Variants in PATJ observed in about 807,000 individuals in gnomAD.
The protein encoded by PATJ is inaD-like protein.
Under a neutral mutation model 224.9 loss-of-function variants are expected in PATJ, and 190 were observed. The ratio of observed to expected loss-of-function variants is 0.84; its 90% CI spans 0.75 to 0.95. The LOEUF is 0.95. Ranked by LOEUF, PATJ falls within the 40% of genes least tolerant of loss-of-function variation. The pLI is 0.00. For synonymous variants in PATJ, 769 were observed against 820.3 expected (o/e 0.94, Z 1.07); for missense variants, 2,121 against 2,270.3 (o/e 0.93, Z 1.34).
chr1:62,084,655 T>G lies in PATJ; in HGVS notation c.4377+7T>G, dbSNP rs1345669174. ...AGGAAAAGACACACCCTTGGTAAGTTTCTAGAAATAAAATGTATCCACTGT... is the reference window on the plus strand; with the variant it reads ...AGGAAAAGACACACCCTTGGTAAGTGTCTAGAAATAAAATGTATCCACTGT... On this transcript the variant is annotated splice_region_variant and intron_variant, in intron 33 of 43. Transcript: ENST00000642238. 6.2e-7 allele frequency: 1 copy of G among 1,611,646 alleles called. No homozygotes were observed. The highest frequency in any genetic ancestry group is 8.5e-7 in the Non-Finnish European group (1 of 1,179,164).
chr1:62,046,322 C>T (rs1340052177), intron 30 of PATJ, among the ~76,000 whole-genome samples: 3 of 152,164 alleles, frequency 2.0e-5, no homozygotes, highest in East Asian at 3.8e-4. Flanking sequence ...TTTAGCTCTA[C>T]TTGTAATGTA....
At chr1:61,968,299 A>G (rs1263591756) in intron 27 of PATJ, among the ~76,000 whole-genome samples, 1 of 152,160 alleles carries the variant, frequency 6.6e-6, no homozygotes, top group Non-Finnish European at 1.5e-5. Flanking sequence ...TAGAATACAC[A>G]TGGGGTCTCC....
At chr1:62,114,499 G>A (rs950970515) in intron 35 of PATJ, 3 of 336,968 alleles carry the variant, frequency 8.9e-6, no homozygotes, top group Admixed American at 5.0e-5. Context: ...AACTAGCAAG[G>A]TTCTTTCACT....
intron 30 of PATJ, chr1:62,039,228 C>T (rs1651009722): frequency 5.2e-6 from 2 of 383,236 alleles, no homozygotes; most frequent in Non-Finnish European, 1.0e-5. Context: ...GTGCAGTGGG[C>T]ACTTTTCTAT....
intron 29 of PATJ, among the ~76,000 whole-genome samples, chr1:62,034,029 C>T (rs1012121452): frequency 6.6e-6 from 1 of 152,094 alleles, no homozygotes; most frequent in Admixed American, 6.6e-5. Flanking sequence ...GGGAAAAGTC[C>T]GTTATCTCTC....
At position 61,869,097 on chromosome 1, in the gene PATJ, ATTT is replaced by A. The variant is rs113334846; in HGVS notation, c.2835+4482_2835+4484del. Among the ~76,000 whole-genome samples, 419 of 125,544 alleles carry A rather than the reference ATTT, an allele frequency of 3.3e-3. 4 individuals carry two copies. Among genetic ancestry groups the A allele is most frequent in the African/African-American group, 0.012 (376 of 31,998 alleles). The allele number at this position is 125,544 out of a possible 152,430, so 82.4% of individuals were successfully genotyped here. On this transcript the variant is annotated intron_variant, in intron 20 of 43. Coordinates refer to ENST00000642238, the MANE Select transcript of PATJ (RefSeq NM_001350145.3). ...TTTTAGGAGAACAAATGGAAATAACATTTTTTTTTTTTTTTTTTTTCTTTTTTG... is the reference window on the plus strand; with the variant it reads ...TTTTAGGAGAACAAATGGAAATAACATTTTTTTTTTTTTTTTTCTTTTTTG...
At chr1:61,783,797 G>T (rs1471551714) in intron 7 of PATJ, among the ~76,000 whole-genome samples, 1 of 147,290 alleles carries the variant, frequency 6.8e-6, no homozygotes, top group Non-Finnish European at 1.5e-5. Context: ...GCTCAGGCTG[G>T]AGTGCAGTGG....
Position 61,921,164 on chromosome 1 carries a change from G to A in PATJ, c.3570+6500G>A, listed in dbSNP as rs569979222. 3.3e-5 allele frequency among the ~76,000 whole-genome samples: 5 copies of A among 152,180 alleles called. No homozygotes were observed. In the South Asian group the frequency reaches 8.3e-4, roughly 25 times the overall value. The stretch of plus-strand genomic sequence containing the variant: ...CAGATTTCACCCCATTAGGAAAAAA[G>A]ACATAACTGAATTGAACCCATGGGA... On this transcript the variant is annotated intron_variant, in intron 26 of 43. Transcript: ENST00000642238.
chr1:62,011,468 C>A (rs1646445645), intron 28 of PATJ, among the ~76,000 whole-genome samples: 1 of 152,128 alleles, frequency 6.6e-6, no homozygotes, highest in South Asian at 2.1e-4. Flanking sequence ...TCAGAACACA[C>A]AATTATGTGT....
intron 34 of PATJ, among the ~76,000 whole-genome samples, chr1:62,110,182 A>T (rs919903175): frequency 1.3e-5 from 2 of 152,318 alleles, no homozygotes; most frequent in Non-Finnish European, 2.9e-5. Context: ...GGTCTAGTTC[A>T]TGAGAGTCTA....
intron 14 of PATJ, among the ~76,000 whole-genome samples, chr1:61,811,559 A>G (rs964164114): frequency 6.6e-6 from 1 of 151,604 alleles, no homozygotes; most frequent in African/African-American, 2.4e-5. Flanking sequence ...TATCATATAA[A>G]TCAGTGTTGC....
intron 32 of PATJ, among the ~76,000 whole-genome samples, chr1:62,082,666 A>G (rs1659430614): frequency 6.6e-6 from 1 of 152,236 alleles, no homozygotes; most frequent in South Asian, 2.1e-4. Flanking sequence ...GTAGTATGCT[A>G]GCAGCCATAG....
At chr1:62,006,100 T>G (rs1041639594) in intron 28 of PATJ, among the ~76,000 whole-genome samples, 1 of 151,866 alleles carries the variant, frequency 6.6e-6, no homozygotes, top group Non-Finnish European at 1.5e-5. Flanking sequence ...TTCTTTTCTT[T>G]TTTTGTTTTG....
At chr1:61,750,671 C>G (rs549071618) in intron 1 of PATJ, among the ~76,000 whole-genome samples, 9 of 151,888 alleles carry the variant, frequency 5.9e-5, no homozygotes, top group Non-Finnish European at 7.4e-5. Context: ...GAACTCCCAA[C>G]CTCAGGTGTT....
rs1669844942 is a variant in PATJ, at chr1:62,161,558, T to G, written c.*504T>G. The G allele has an allele frequency of 6.6e-6, 1 of 152,300 alleles. No homozygotes were observed. The highest frequency in any genetic ancestry group is 1.5e-5 in the Non-Finnish European group (1 of 68,208). 9.4% of individuals were successfully genotyped at this position (152,300 alleles called of 1,614,324 possible). A position where few individuals can be genotyped will look rare whatever the true frequency, so the allele number is the denominator to read the frequency against. ...TTCCCCATGTGGGCCAGGCTGGTCT[T>G]GAACTTCTGACCTCAGGTGATCTGC... On this transcript the variant is annotated 3_prime_UTR_variant, in exon 44 of 44. Coordinates refer to ENST00000642238, the MANE Select transcript of PATJ (RefSeq NM_001350145.3).
chr1:61,864,429 G>C lies in PATJ; in HGVS notation c.2631G>C (p.Glu877Asp). 6.2e-7 allele frequency: 1 copy of C among 1,613,628 alleles called. No individual in the cohort carries two copies. The highest frequency in any genetic ancestry group is 8.5e-7 in the Non-Finnish European group (1 of 1,179,540). ...AAATTCTTGTTGATGAAGAATATGA[G>C]TTATATCAAGATCCCTCACCATCCA... ...EREILVDEEY[E>D]LYQDPSPSME... Residue 877 changes from glutamate to aspartate, a missense_variant, in exon 20 of 44, where the codon GAG (glutamate) becomes GAC (aspartate). Physicochemically the swap from Glu to Asp is conservative, Grantham distance 45 (BLOSUM62 2). Transcript: ENST00000642238.
In PATJ at chr1:61,875,355, G is replaced by C. The variant is rs1366880864; in HGVS notation, c.2948G>C (p.Ser983Thr). ...LENLNSLAKTSLDLGMIPNDV... is the reference protein window; with the variant it reads ...LENLNSLAKTTLDLGMIPNDV... Reference sequence around the variant, plus strand: ...AATCTTAATTCATTAGCAAAAACTAGTCTGGATTTAGGTTTGTGACTTTTG... The same window carrying C: ...AATCTTAATTCATTAGCAAAAACTACTCTGGATTTAGGTTTGTGACTTTTG... Residue 983 changes from serine (S) to threonine (T), a missense_variant, in exon 21 of 44, where the codon AGT (serine) becomes ACT (threonine). Ser to Thr is a moderately conservative substitution (Grantham distance 58, BLOSUM62 1). Transcript: ENST00000642238. The C allele has an allele frequency of 2.5e-6, 4 of 1,607,922 alleles. No homozygotes were observed. The South Asian group carries it at 3.3e-5, about 13-fold the overall frequency.
At chr1:61,912,554 A>G (rs926128604) in intron 25 of PATJ, among the ~76,000 whole-genome samples, 13 of 150,858 alleles carry the variant, frequency 8.6e-5, no homozygotes, top group Non-Finnish European at 1.5e-4. Context: ...ACTGCACTGC[A>G]GTGGCCACTG....
chr1:61,770,498 A>G (rs1351657414), intron 5 of PATJ, among the ~76,000 whole-genome samples: 1 of 152,178 alleles, frequency 6.6e-6, no homozygotes, highest in Non-Finnish European at 1.5e-5. Flanking sequence ...TATGTGAGAT[A>G]ATGCATGTAA....
Sources: gnomAD v4.1 joint callset for allele counts (sites outside exome capture counted in the v4.1 genomes callset) on GRCh38, gnomAD v4.1.1 for gene constraint, MANE v1.5 for transcripts, NCBI Gene and HGNC (gene_info 2026-07-23, HGNC 2026-07-21) for gene names.